Variants in NR6A1 observed in about 807,000 individuals in gnomAD.
NR6A1 encodes the protein nuclear receptor subfamily 6 group A member 1, also known as retinoic acid receptor-related testis-associated receptor.
Under a neutral mutation model 59.1 loss-of-function variants are expected in NR6A1, and 7 were observed. The observed-to-expected ratio is 0.12, with a 90% CI of 0.07 to 0.22. The LOEUF (loss-of-function observed/expected upper bound fraction) is 0.22. Ranked by LOEUF, NR6A1 falls within the 10% of genes least tolerant of loss-of-function variation. The probability of loss-of-function intolerance (pLI) is 1.00; values close to 1 mark genes in which losing one functional copy is unlikely to be tolerated. For synonymous variants in NR6A1, 243 were observed against 236.1 expected, an observed-to-expected ratio of 1.03 and a Z score of -0.27; for missense variants, 468 against 611.6, an observed-to-expected ratio of 0.77 and a Z score of 2.48.
intron 1 of NR6A1, among the ~76,000 whole-genome samples, chr9:124,743,793 T>C (rs906050338): frequency 6.6e-6 from 1 of 152,220 alleles, no homozygotes; most frequent in African/African-American, 2.4e-5. Flanking sequence ...AGGTCATTAG[T>C]GTTTCTATGG....
chr9:124,577,247 T>C (rs1834628872), intron 2 of NR6A1, among the ~76,000 whole-genome samples: 1 of 152,172 alleles, frequency 6.6e-6, no homozygotes, highest in Non-Finnish European at 1.5e-5. Flanking sequence ...AGCCATAACA[T>C]CCTTTAGGAA....
At chr9:124,640,273 GAT>G (rs1332015819) in intron 2 of NR6A1, among the ~76,000 whole-genome samples, 1 of 152,176 alleles carries the variant, frequency 6.6e-6, no homozygotes, top group African/African-American at 2.4e-5. Context: ...ACTCAGGAAA[GAT>G]AACCTTAGAA....
intron 1 of NR6A1, among the ~76,000 whole-genome samples, chr9:124,768,371 A>C (rs1300044353): frequency 6.6e-6 from 1 of 152,254 alleles, no homozygotes; most frequent in African/African-American, 2.4e-5. Context: ...GCAAAAAAGA[A>C]AAAATGTGCC....
chr9:124,631,715 C>T (rs1306005636), intron 2 of NR6A1, among the ~76,000 whole-genome samples: 1 of 152,118 alleles, frequency 6.6e-6, no homozygotes, highest in African/African-American at 2.4e-5. Flanking sequence ...GTTTGTTACA[C>T]AGGTAAACAT....
intron 2 of NR6A1, among the ~76,000 whole-genome samples, chr9:124,683,220 G>GAAGGGA (rs1034956060): frequency 4.2e-5 from 6 of 144,292 alleles, no homozygotes; most frequent in South Asian, 2.2e-4. Flanking sequence ...GAAAAGAAAG[G>GAAGGGA]AAGGGAAAGG....
At position 124,576,268 on chromosome 9, in the gene NR6A1, C is replaced by T. The variant is rs528700344; in HGVS notation, c.143-21698G>A. Among the ~76,000 whole-genome samples the T allele has an allele frequency of 5.3e-5, 8 of 152,160 alleles. No homozygotes were observed. The South Asian group carries it at 1.7e-3, about 32-fold the overall frequency. ...GTAACTATGAAGCCAAAAGTAAAAG[C>T]AACACAAGCTTTGTTTTGTTTTGTT... is the stretch of plus-strand genomic sequence containing the variant. On this transcript the variant is annotated intron_variant, in intron 2 of 9. Transcript: ENST00000487099.
At chr9:124,613,790 T>G (rs1214102421) in intron 2 of NR6A1, among the ~76,000 whole-genome samples, 1 of 152,200 alleles carries the variant, frequency 6.6e-6, no homozygotes, top group Non-Finnish European at 1.5e-5. Flanking sequence ...GTCTATAATA[T>G]CTTGTTAATG....
intron 2 of NR6A1, among the ~76,000 whole-genome samples, chr9:124,698,863 C>A (rs1330309439): frequency 6.6e-6 from 1 of 152,124 alleles, no homozygotes; most frequent in Non-Finnish European, 1.5e-5. Flanking sequence ...CACTGTAGCC[C>A]AACTTCCCTT....
intron 2 of NR6A1, among the ~76,000 whole-genome samples, chr9:124,705,389 A>G (rs906258611): frequency 6.6e-6 from 1 of 152,128 alleles, no homozygotes; most frequent in African/African-American, 2.4e-5. Context: ...TGTTAGATAT[A>G]TTTTAATAAT....
chr9:124,681,497 A>G (rs1190553871), intron 2 of NR6A1, among the ~76,000 whole-genome samples: 1 of 151,980 alleles, frequency 6.6e-6, no homozygotes, highest in African/African-American at 2.4e-5. Flanking sequence ...GCATGCCACC[A>G]CACCTAGCTA....
Position 124,543,794 on chromosome 9 carries a change from G to A in NR6A1, c.441+8C>T. 1 of 1,612,254 alleles carries A rather than the reference G, an allele frequency of 6.2e-7. No homozygotes were observed. The highest frequency in any genetic ancestry group is 8.5e-7 in the Non-Finnish European group (1 of 1,179,072). ...GACGGACCACAGAGACTGAGGTCTA[G>A]AACTCACCTGGACTGGCCCAATGCT... On this transcript the variant is annotated splice_region_variant and intron_variant, in intron 4 of 9. Transcript: ENST00000487099.
chr9:124,605,662 A>G (rs1483581421), intron 2 of NR6A1, among the ~76,000 whole-genome samples: 1 of 152,240 alleles, frequency 6.6e-6, no homozygotes, highest in Non-Finnish European at 1.5e-5. Flanking sequence ...TGGAATATTA[A>G]CAAATGAAAT....
chr9:124,718,420 G>C (rs1839464990), intron 2 of NR6A1, among the ~76,000 whole-genome samples: 1 of 152,172 alleles, frequency 6.6e-6, no homozygotes. Context: ...TTCAAAGATG[G>C]TTCCTGCTAC....
At chr9:124,640,669 T>A (rs1836744610) in intron 2 of NR6A1, among the ~76,000 whole-genome samples, 1 of 152,024 alleles carries the variant, frequency 6.6e-6, no homozygotes, top group African/African-American at 2.4e-5. Flanking sequence ...AGCACTAGGA[T>A]TACAAAGCAT....
At chr9:124,770,902 G>A (rs978994592) in intron 1 of NR6A1, 118 bp downstream of exon 1, 1 of 525,016 alleles carries the variant, frequency 1.9e-6, no homozygotes. Context: ...CACCCTAAGG[G>A]GCCGCGGGGC....
chr9:124,569,152 T>TC (rs1215947402), intron 2 of NR6A1, among the ~76,000 whole-genome samples: 3 of 151,152 alleles, frequency 2.0e-5, no homozygotes, highest in Admixed American at 6.6e-5. Flanking sequence ...GCATCACCCA[T>TC]CCCCCCCTTT....
At chr9:124,580,043 T>C (rs1834718103) in intron 2 of NR6A1, among the ~76,000 whole-genome samples, 1 of 151,996 alleles carries the variant, frequency 6.6e-6, no homozygotes, top group South Asian at 2.1e-4. Context: ...AAACAAAGAT[T>C]TACCATATGA....
chr9:124,767,281 C>CTT (rs971945882), intron 1 of NR6A1, among the ~76,000 whole-genome samples: 50 of 152,180 alleles, frequency 3.3e-4, no homozygotes, highest in African/African-American at 1.2e-3. Context: ...ACACATGTGC[C>CTT]TTGCATACAC....
chr9:124,756,437 AACT>A, intron 1 of NR6A1, among the ~76,000 whole-genome samples: 1 of 152,384 alleles, frequency 6.6e-6, no homozygotes. Flanking sequence ...AATCAACATA[AACT>A]TTAACAATGT....
Sources: gnomAD v4.1 joint callset for allele counts (sites outside exome capture counted in the v4.1 genomes callset) on GRCh38, gnomAD v4.1.1 for gene constraint, MANE v1.5 for transcripts, NCBI Gene and HGNC (gene_info 2026-07-23, HGNC 2026-07-21) for gene names.